The following ASIC2 variants were observed in gnomAD, a reference collection of about 807,000 sequenced individuals.
ASIC2 encodes acid sensing ion channel subunit 2, also known as acid-sensing ion channel 2.
Under a neutral mutation model 57.3 loss-of-function variants are expected in ASIC2, and 25 were observed. The ratio of observed to expected loss-of-function variants is 0.44; its 90% CI spans 0.32 to 0.61. The LOEUF is 0.61. Ranked by LOEUF, ASIC2 falls within the 20% of genes least tolerant of loss-of-function variation. The pLI is 0.06. For missense variants in ASIC2, 641 were observed against 738.1 expected (o/e 0.87, Z 1.52); for synonymous variants, 319 against 307.5 (o/e 1.04, Z -0.39).
chr17:33,879,564 A>G (rs1914646002), intron 1 of ASIC2, among the ~76,000 whole-genome samples: 1 of 152,232 alleles, frequency 6.6e-6, no homozygotes, highest in Non-Finnish European at 1.5e-5. Flanking sequence ...ACTATCCTAA[A>G]TATATATGCA....
intron 1 of ASIC2, among the ~76,000 whole-genome samples, chr17:34,047,533 A>AAAAAT (rs1908385137): frequency 6.7e-6 from 1 of 148,416 alleles, no homozygotes; most frequent in Non-Finnish European, 1.5e-5. Context: ...AAAAAAAAAA[A>AAAAAT]GACTGGAGTA....
chr17:34,069,741 C>A (rs375102940), intron 1 of ASIC2: 1 of 152,330 alleles, frequency 6.6e-6, no homozygotes, highest in African/African-American at 2.4e-5. Context: ...ATTCATTGGT[C>A]ATCTGGGGTG....
chr17:34,112,790 G>T (rs1180113128), intron 1 of ASIC2, among the ~76,000 whole-genome samples: 1 of 152,108 alleles, frequency 6.6e-6, no homozygotes, highest in Non-Finnish European at 1.5e-5. Flanking sequence ...CGTGTCTGTG[G>T]GATGTTGTGG....
chr17:33,760,642 T>C (rs1051227735), intron 1 of ASIC2, among the ~76,000 whole-genome samples: 1 of 152,000 alleles, frequency 6.6e-6, no homozygotes, highest in Non-Finnish European at 1.5e-5. Flanking sequence ...TACACAAATA[T>C]GTATGGGTAT....
Position 34,037,600 on chromosome 17 carries a change from T to C in ASIC2, c.555+118378A>G, listed in dbSNP as rs900253799. 4 of 1,559,518 alleles carry C rather than the reference T, an allele frequency of 2.6e-6. No homozygotes were observed. In the African/African-American group the frequency reaches 4.1e-5, roughly 16 times the overall value. On this transcript the variant is annotated intron_variant, in intron 1 of 9. Transcript: ENST00000359872. ...TGTCCACTTTGTGTGTGTTGAACAGTTTGTGGCCTTGGAGTCAGTCTCAAT... is the reference window on the plus strand; with the variant it reads ...TGTCCACTTTGTGTGTGTTGAACAGCTTGTGGCCTTGGAGTCAGTCTCAAT...
chr17:33,314,696 T>G (rs1906570401), intron 1 of ASIC2, among the ~76,000 whole-genome samples: 1 of 152,218 alleles, frequency 6.6e-6, no homozygotes, highest in Non-Finnish European at 1.5e-5. Flanking sequence ...TTTACAAAGA[T>G]AGGCAAGTCA....
chr17:33,510,607 G>A (rs1914401950), intron 1 of ASIC2, among the ~76,000 whole-genome samples: 1 of 152,110 alleles, frequency 6.6e-6, no homozygotes, highest in Admixed American at 6.5e-5. Context: ...ACTCCAGCCT[G>A]GGCAATAGAG....
At chr17:33,990,927 C>T (rs548926590) in intron 1 of ASIC2, among the ~76,000 whole-genome samples, 2 of 152,262 alleles carry the variant, frequency 1.3e-5, no homozygotes, top group African/African-American at 2.4e-5. Context: ...CATTCAAAGA[C>T]AAGAAACTCT....
intron 1 of ASIC2, among the ~76,000 whole-genome samples, chr17:33,654,805 C>A (rs1907027571): frequency 6.6e-6 from 1 of 152,162 alleles, no homozygotes; most frequent in Non-Finnish European, 1.5e-5. Flanking sequence ...GATGCTAAGC[C>A]AGCCATAGAA....
intron 1 of ASIC2, among the ~76,000 whole-genome samples, chr17:33,767,682 T>C (rs1251450339): frequency 6.6e-6 from 1 of 152,248 alleles, no homozygotes; most frequent in African/African-American, 2.4e-5. Flanking sequence ...ATCCGTATAC[T>C]ACAAAAGGAC....
intron 1 of ASIC2, chr17:33,572,358 T>C (rs1293584355): frequency 6.6e-6 from 1 of 152,052 alleles, no homozygotes; most frequent in African/African-American, 2.4e-5. Flanking sequence ...CCTCCTAGGA[T>C]TGCTTTCAGG....
At chr17:33,554,156 G>A (rs1382532796) in intron 1 of ASIC2, among the ~76,000 whole-genome samples, 1 of 152,222 alleles carries the variant, frequency 6.6e-6, no homozygotes, top group Non-Finnish European at 1.5e-5. Context: ...GTTTTTAACT[G>A]CCTTGGATGG....
chr17:34,044,734 G>T (rs1358916675), intron 1 of ASIC2, among the ~76,000 whole-genome samples: 4 of 152,146 alleles, frequency 2.6e-5, no homozygotes, highest in Non-Finnish European at 5.9e-5. Context: ...CGGTGCCTGG[G>T]GATGAGTCCA....
chr17:33,052,135 CG>C (rs2091979221), intron 3 of ASIC2: 1 of 152,168 alleles, frequency 6.6e-6, no homozygotes, highest in Non-Finnish European at 1.5e-5. Flanking sequence ...TTTATAAATA[CG>C]TATCTCACCC....
At position 33,030,562 on chromosome 17, in the gene ASIC2, A is replaced by C. The variant is rs572406669; in HGVS notation, c.988-2170T>G. Among the ~76,000 whole-genome samples, 124 of 152,186 alleles carry C rather than the reference A, an allele frequency of 8.1e-4. 2 individuals carry two copies. In the Middle Eastern group the frequency reaches 0.017, roughly 21 times the overall value. On this transcript the variant is annotated intron_variant, in intron 3 of 9. Transcript: ENST00000225823. ...GCTAGAAACTCCAGTATCATGTTGG[A>C]ATAAAACTGGAGAGAGAGGATATCT...
intron 1 of ASIC2, among the ~76,000 whole-genome samples, chr17:34,152,348 CAG>C (rs1369586469): frequency 1.3e-5 from 2 of 152,074 alleles, no homozygotes; most frequent in Non-Finnish European, 2.9e-5. Context: ...ACATGATGAG[CAG>C]AGAAAAAACA....
rs536112870 is a variant in ASIC2 at position 33,596,183 on chromosome 17, G to A, written c.556-484116C>T. Reference sequence around the variant, plus strand: ...CAACCATGAGGCTCTTCTACCATCAGTGATTGAGTTTGGGGGTGGTTCTCT... The same window carrying A: ...CAACCATGAGGCTCTTCTACCATCAATGATTGAGTTTGGGGGTGGTTCTCT... On this transcript the variant is annotated intron_variant, in intron 1 of 9. Transcript: ENST00000359872. Among the ~76,000 whole-genome samples, 206 of 152,292 alleles carry A rather than the reference G, an allele frequency of 1.4e-3. 1 individual carries two copies. Among genetic ancestry groups the A allele is most frequent in the African/African-American group, 4.9e-3 (203 of 41,568 alleles).
At chr17:33,515,642 C>T (rs184352440) in intron 1 of ASIC2, among the ~76,000 whole-genome samples, 18 of 152,350 alleles carry the variant, frequency 1.2e-4, no homozygotes, top group African/African-American at 3.8e-4. Flanking sequence ...GTCTGACCCA[C>T]GGCTTCTGCT....
chr17:33,451,307 C>T (rs1470655139), intron 1 of ASIC2, among the ~76,000 whole-genome samples: 3 of 152,146 alleles, frequency 2.0e-5, no homozygotes, highest in Non-Finnish European at 2.9e-5. Context: ...CTGCCTGTCT[C>T]GGCCTCCCAA....
Sources: allele counts gnomAD v4.1 joint callset (sites outside exome capture counted in the v4.1 genomes callset), GRCh38; gene constraint gnomAD v4.1.1; transcripts MANE v1.5; gene names NCBI Gene and HGNC (gene_info 2026-07-23, HGNC 2026-07-21).